FRMD5: variants seen among roughly 807,000 people sequenced by gnomAD.
The protein encoded by FRMD5 is FERM domain containing 5.
Under a neutral mutation model 69.0 loss-of-function variants are expected in FRMD5, and 20 were observed. That is an observed-to-expected ratio of 0.29 (90% CI 0.20 to 0.42). The LOEUF is 0.42. Ranked by LOEUF, FRMD5 falls within the 10% of genes least tolerant of loss-of-function variation. The pLI is 1.00. For synonymous variants in FRMD5, 271 were observed against 260.1 expected (o/e 1.04, Z -0.40); for missense variants, 595 against 708.6 (o/e 0.84, Z 1.82).
intron 1 of FRMD5, among the ~76,000 whole-genome samples, chr15:43,948,360 T>C (rs1303530650): frequency 6.6e-6 from 1 of 152,186 alleles, no homozygotes; most frequent in Non-Finnish European, 1.5e-5. Context: ...CAGTGTACAT[T>C]TCTGCCACCC....
chr15:44,078,718 T>C (rs1595699627), intron 1 of FRMD5, among the ~76,000 whole-genome samples: 1 of 152,166 alleles, frequency 6.6e-6, no homozygotes. Context: ...ACAAATGGCT[T>C]TGGGATATCC....
intron 1 of FRMD5, among the ~76,000 whole-genome samples, chr15:43,942,256 G>T (rs939412289): frequency 1.3e-5 from 2 of 152,192 alleles, no homozygotes; most frequent in Non-Finnish European, 2.9e-5. Context: ...TGAAGGTCAA[G>T]AATATGGAAT....
chr15:44,111,684 T>C (rs978701645), intron 1 of FRMD5, among the ~76,000 whole-genome samples: 3 of 152,176 alleles, frequency 2.0e-5, no homozygotes, highest in African/African-American at 7.2e-5. Flanking sequence ...TTCTAATCTC[T>C]GCAAAAGAAA....
intron 1 of FRMD5, among the ~76,000 whole-genome samples, chr15:44,002,626 G>A (rs1441832020): frequency 2.6e-5 from 4 of 152,102 alleles, no homozygotes; most frequent in Non-Finnish European, 5.9e-5. Flanking sequence ...ACTGGGGGCT[G>A]CATGCACTGG....
rs576350555 is a variant in FRMD5, at chr15:44,049,292, AC to A, written c.103-124984del. Among the ~76,000 whole-genome samples, 20 of 152,320 alleles carry A rather than the reference AC, an allele frequency of 1.3e-4. 1 individual carries two copies. In the South Asian group the frequency reaches 4.1e-3, roughly 32 times the overall value. On this transcript the variant is annotated intron_variant, in intron 1 of 13. Coordinates refer to ENST00000417257, the MANE Select transcript of FRMD5 (RefSeq NM_032892.5). ...TTTTACTTCTCCTGGAATCTGTACC[AC>A]CATCTGACCAATACTTCCACAAGCT... is the stretch of plus-strand genomic sequence containing the variant.
chr15:43,949,164 A>C (rs2089990043), intron 1 of FRMD5, among the ~76,000 whole-genome samples: 2 of 152,260 alleles, frequency 1.3e-5, no homozygotes. Flanking sequence ...ACCCAAACTT[A>C]CCACTTTGGT....
chr15:44,144,795 G>A (rs1465807994), intron 1 of FRMD5, among the ~76,000 whole-genome samples: 2 of 152,192 alleles, frequency 1.3e-5, no homozygotes, highest in South Asian at 2.1e-4. Context: ...CTGCAACGGA[G>A]TGAGTCAAGT....
At chr15:44,005,471 CAAAAAAAAAAA>C (rs55839205) in intron 1 of FRMD5, among the ~76,000 whole-genome samples, 1 of 69,456 alleles carries the variant, frequency 1.4e-5, no homozygotes, top group South Asian at 5.6e-4. Flanking sequence ...AACTCCATCT[CAAAAAAAAAAA>C]AAAAAAAAAA....
intron 1 of FRMD5, among the ~76,000 whole-genome samples, chr15:44,060,975 A>C (rs1893065248): frequency 6.6e-6 from 1 of 152,212 alleles, no homozygotes; most frequent in South Asian, 2.1e-4. Flanking sequence ...CATAATGTCT[A>C]GTATACAACA....
chr15:43,874,406 C>T lies in FRMD5; in HGVS notation c.1192G>A (p.Gly398Arg). The T allele has an allele frequency of 2.5e-6, 4 of 1,614,234 alleles. No homozygotes were observed. The highest frequency in any genetic ancestry group is 3.4e-6 in the Non-Finnish European group (4 of 1,180,046). The change falls in exon 14 of 14, where the codon GGG becomes AGG. Residue 398 changes from glycine (G) to arginine (R), a missense_variant. Physicochemically the swap from Gly to Arg is moderately radical, Grantham distance 125. Coordinates refer to ENST00000417257, the MANE Select transcript of FRMD5 (RefSeq NM_032892.5). ...CTCACGTGAGGCAGGAAGGTGTCCC[C>T]ATGGGAAGTGGAACGCACTGGTGTG... The part of the protein sequence containing the change: ...HSTPVRSTSH[G>R]DTFLPHVRSS...
chr15:44,170,321 G>A (rs1463471539), intron 1 of FRMD5, among the ~76,000 whole-genome samples: 11 of 152,238 alleles, frequency 7.2e-5, no homozygotes, highest in Admixed American at 5.2e-4. Flanking sequence ...TCGGCAGTTC[G>A]AGACCAGCCT....
chr15:44,051,983 T>C (rs1892687723), intron 1 of FRMD5, among the ~76,000 whole-genome samples: 1 of 152,148 alleles, frequency 6.6e-6, no homozygotes, highest in Non-Finnish European at 1.5e-5. Context: ...GTTAACTCTT[T>C]TTTTTTTTCC....
chr15:44,007,999 T>C (rs1290208393), intron 1 of FRMD5, among the ~76,000 whole-genome samples: 3 of 151,828 alleles, frequency 2.0e-5, no homozygotes, highest in African/African-American at 7.3e-5. Context: ...TAGAGTGCAG[T>C]GGGATGATCA....
intron 1 of FRMD5, among the ~76,000 whole-genome samples, chr15:44,040,327 A>G (rs1358333785): frequency 6.6e-6 from 1 of 151,948 alleles, no homozygotes; most frequent in African/African-American, 2.4e-5. Context: ...CCACAAAGAT[A>G]CTCCTCGAGA....
chr15:44,158,987 C>T (rs2077571002), intron 1 of FRMD5, among the ~76,000 whole-genome samples: 1 of 152,126 alleles, frequency 6.6e-6, no homozygotes, highest in Admixed American at 6.6e-5. Context: ...AAATGAGCAC[C>T]TAACTCAAGT....
At chr15:44,109,207 G>C (rs1421047062) in intron 1 of FRMD5, among the ~76,000 whole-genome samples, 2 of 151,936 alleles carry the variant, frequency 1.3e-5, no homozygotes, top group Non-Finnish European at 2.9e-5. Flanking sequence ...TGAAGTATCA[G>C]TGCCACTGTT....
At chr15:44,099,337 A>G (rs941430657) in intron 1 of FRMD5, among the ~76,000 whole-genome samples, 3 of 152,122 alleles carry the variant, frequency 2.0e-5, no homozygotes, top group Admixed American at 6.5e-5. Flanking sequence ...TGAAATCCTA[A>G]CAAACTCCCA....
intron 1 of FRMD5, among the ~76,000 whole-genome samples, chr15:44,104,875 AC>A (rs1433803836): frequency 6.6e-6 from 1 of 152,046 alleles, no homozygotes; most frequent in Non-Finnish European, 1.5e-5. Context: ...ATTTAACATA[AC>A]GTTTTCGAGG....
intron 1 of FRMD5, among the ~76,000 whole-genome samples, chr15:44,100,612 C>T (rs1474004623): frequency 6.6e-6 from 1 of 152,156 alleles, no homozygotes; most frequent in Non-Finnish European, 1.5e-5. Flanking sequence ...TTAGTGACCT[C>T]ACATGGGACC....
Sources: allele counts gnomAD v4.1 joint callset (sites outside exome capture counted in the v4.1 genomes callset), GRCh38; gene constraint gnomAD v4.1.1; transcripts MANE v1.5; gene names NCBI Gene and HGNC (gene_info 2026-07-23, HGNC 2026-07-21).